The following ANK3 variants were observed in gnomAD, a reference collection of about 807,000 sequenced individuals.
The protein encoded by ANK3 is ankyrin-3.
Under a neutral mutation model 370.9 loss-of-function variants are expected in ANK3, and 57 were observed. The ratio of observed to expected loss-of-function variants is 0.15; its 90% CI spans 0.12 to 0.19. The LOEUF (loss-of-function observed/expected upper bound fraction) is 0.19, where lower values mean the gene tolerates loss of function less well. Among genes scored for constraint, ANK3 ranks in the 10% least tolerant of loss-of-function variants. The probability of loss-of-function intolerance (pLI) is 1.00; values close to 1 mark genes in which losing one functional copy is unlikely to be tolerated. For synonymous variants in ANK3, 1,929 were observed against 1,946.3 expected (o/e 0.99, Z 0.23); for missense variants, 4,439 against 5,302.1 (o/e 0.84, Z 5.06).
chr10:60,678,665 T>C (rs1350767823), intron 1 of ANK3, among the ~76,000 whole-genome samples: 1 of 152,232 alleles, frequency 6.6e-6, no homozygotes, highest in Non-Finnish European at 1.5e-5. Flanking sequence ...TTTATTCTGC[T>C]TTAGTCAACA....
intron 1 of ANK3, among the ~76,000 whole-genome samples, chr10:60,351,946 AAAGTAT>A (rs1489824141): frequency 6.6e-6 from 1 of 152,218 alleles, no homozygotes; most frequent in African/African-American, 2.4e-5. Flanking sequence ...TACCACTATA[AAAGTAT>A]AAGTGCACAA....
chr10:60,687,223 C>G (rs977987937), intron 1 of ANK3, among the ~76,000 whole-genome samples: 1 of 152,112 alleles, frequency 6.6e-6, no homozygotes, highest in Admixed American at 6.6e-5. Flanking sequence ...CGCAGTCCAT[C>G]CCCTCTCAAT....
At chr10:60,316,870 C>A (rs10994299) in intron 1 of ANK3, among the ~76,000 whole-genome samples, 10,948 of 152,024 alleles carry the variant, frequency 0.072, 778 homozygotes, top group East Asian at 0.2. Flanking sequence ...GCCTCAGCCT[C>A]CCGAGTAGCT....
rs143684105 is a variant in ANK3, at chr10:60,055,152, T to G, written c.13065+506A>C. Among the ~76,000 whole-genome samples the G allele has an allele frequency of 3.5e-3, 521 of 149,166 alleles. 2 individuals carry two copies. Among genetic ancestry groups the G allele is most frequent in the African/African-American group, 0.012 (494 of 41,468 alleles). Reference sequence around the variant, plus strand: ...CTGTCAACTCACCTCATTTTAGGCTTGGAATTTCATCTCTTTAATTTTTAA... The same window carrying G: ...CTGTCAACTCACCTCATTTTAGGCTGGGAATTTCATCTCTTTAATTTTTAA... On this transcript the variant is annotated intron_variant, in intron 42 of 43. Coordinates refer to ENST00000280772, the MANE Select transcript of ANK3 (RefSeq NM_020987.5).
intron 1 of ANK3, among the ~76,000 whole-genome samples, chr10:60,323,187 A>G (rs553374975): frequency 2.0e-5 from 3 of 152,280 alleles, no homozygotes; most frequent in South Asian, 4.1e-4. Context: ...CTGGAACTCA[A>G]TCTCTCTGGG....
chr10:60,615,325 C>A, intron 1 of ANK3: 1 of 708,118 alleles, frequency 1.4e-6, no homozygotes, highest in South Asian at 2.5e-5. Context: ...GACTTATAAA[C>A]ATAGTAAGTT....
chr10:60,282,633 C>G (rs1213187412), intron 1 of ANK3, among the ~76,000 whole-genome samples: 1 of 152,168 alleles, frequency 6.6e-6, no homozygotes, highest in Non-Finnish European at 1.5e-5. Flanking sequence ...ATACAAAATT[C>G]TCTGGTGGAC....
intron 1 of ANK3, among the ~76,000 whole-genome samples, chr10:60,626,668 C>T (rs918692949): frequency 6.6e-6 from 1 of 152,064 alleles, no homozygotes; most frequent in African/African-American, 2.4e-5. Context: ...ACAGTTCTTC[C>T]AAAACATTGA....
chr10:60,193,854 C>T (rs2096539506), intron 16 of ANK3, among the ~76,000 whole-genome samples: 1 of 152,158 alleles, frequency 6.6e-6, no homozygotes, highest in South Asian at 2.1e-4. Flanking sequence ...GGCAAGGTAG[C>T]TCACCCCTGT....
At chr10:60,296,584 T>C (rs138680455) in intron 1 of ANK3, among the ~76,000 whole-genome samples, 3 of 152,360 alleles carry the variant, frequency 2.0e-5, no homozygotes, top group Non-Finnish European at 2.9e-5. Flanking sequence ...GGCTGTACCC[T>C]TCAAAGATGA....
At chr10:60,139,536 A>C (rs1045505709) in intron 23 of ANK3, 1 of 154,946 alleles carries the variant, frequency 6.5e-6, no homozygotes, top group African/African-American at 2.4e-5. Flanking sequence ...TAAAAAAAAA[A>C]CTGGTTTTCT....
chr10:60,356,813 A>G (rs1459720345), intron 1 of ANK3, among the ~76,000 whole-genome samples: 4 of 152,078 alleles, frequency 2.6e-5, no homozygotes, highest in African/African-American at 9.7e-5. Context: ...GGTTTAGGCG[A>G]TTCTTGTGCC....
intron 2 of ANK3, among the ~76,000 whole-genome samples, chr10:60,612,312 G>A (rs2078211743): frequency 6.6e-6 from 1 of 152,126 alleles, no homozygotes; most frequent in Admixed American, 6.5e-5. Flanking sequence ...AGGACAGTCA[G>A]GGTTCCAAAG....
At chr10:60,144,339 C>T in intron 23 of ANK3, 1 of 293,726 alleles carries the variant, frequency 3.4e-6, no homozygotes, top group Non-Finnish European at 6.5e-6. Flanking sequence ...AAATGATGTG[C>T]ATACACAAAG....
At chr10:60,458,002 T>C (rs1395145656) in intron 2 of ANK3, among the ~76,000 whole-genome samples, 2 of 152,114 alleles carry the variant, frequency 1.3e-5, no homozygotes, top group Non-Finnish European at 2.9e-5. Flanking sequence ...ATATGTAGAA[T>C]AATATACAAT....
chr10:60,441,653 C>G (rs564325217), intron 2 of ANK3, among the ~76,000 whole-genome samples: 5 of 152,258 alleles, frequency 3.3e-5, no homozygotes, highest in African/African-American at 1.2e-4. Flanking sequence ...ATTATATTTA[C>G]AGTAAGTACA....
At chr10:60,181,517 T>G (rs16914582) in intron 17 of ANK3, 90 bp from the exon 18 acceptor site, 95,377 of 1,230,886 alleles carry the variant, frequency 0.077, 4,225 homozygotes, top group Admixed American at 0.16. Flanking sequence ...AATTCTAAGA[T>G]GGTAAGCCGA....
Position 60,242,268 on chromosome 10 carries a change from T to C in ANK3, c.799-7482A>G, listed in dbSNP as rs373242891. Among the ~76,000 whole-genome samples, 19 of 152,318 alleles carry C rather than the reference T, an allele frequency of 1.2e-4. No homozygotes were observed. In the East Asian group the frequency reaches 1.9e-3, roughly 15 times the overall value. ...ATCACCCAGAACAAACTAAGATCAC[T>C]TATGATTTGTAAAAATTCAATATAT... On this transcript the variant is annotated intron_variant, in intron 7 of 43. Transcript: ENST00000280772.
At chr10:60,447,997 G>A (rs1348288041) in intron 2 of ANK3, among the ~76,000 whole-genome samples, 1 of 152,154 alleles carries the variant, frequency 6.6e-6, no homozygotes, top group African/African-American at 2.4e-5. Flanking sequence ...TGAAGGAGGG[G>A]CAGATAGGCT....
Sources: allele counts gnomAD v4.1 joint callset (sites outside exome capture counted in the v4.1 genomes callset), GRCh38; gene constraint gnomAD v4.1.1; transcripts MANE v1.5; gene names NCBI Gene and HGNC (gene_info 2026-07-23, HGNC 2026-07-21).